The following DKK4 variants were observed in gnomAD, a reference collection of about 807,000 sequenced individuals.
The protein encoded by DKK4 is dickkopf Wnt signaling pathway inhibitor 4, also known as dickkopf-related protein 4.
Under a neutral mutation model 14.5 loss-of-function variants are expected in DKK4, and 15 were observed. The ratio of observed to expected loss-of-function variants is 1.03; its 90% CI spans 0.69 to 1.59. DKK4 has a LOEUF of 1.59. Among genes scored for constraint, DKK4 ranks in the 40% most tolerant of loss-of-function variants. DKK4 has a pLI of 0.00. For synonymous variants in DKK4, 89 were observed against 105.2 expected, an observed-to-expected ratio of 0.85 and a Z score of 0.94; for missense variants, 272 against 280.3, an observed-to-expected ratio of 0.97 and a Z score of 0.21.
chr8:42,383,596 T>G, the DKK4 span, among the ~76,000 whole-genome samples: 524 of 152,326 alleles, frequency 3.4e-3, 4 homozygotes, highest in African/African-American at 0.012. Context: ...AGCACCAGGG[T>G]CCCTGGACCC....
chr8:42,386,989 C>T, the DKK4 span, among the ~76,000 whole-genome samples: 2 of 152,182 alleles, frequency 1.3e-5, no homozygotes, highest in East Asian at 1.9e-4. Flanking sequence ...CTTGGCTCAG[C>T]GGGTGACCTG....
chr8:42,381,023 T>C (rs1000310780), upstream of DKK4, among the ~76,000 whole-genome samples: 6 of 152,138 alleles, frequency 3.9e-5, no homozygotes, highest in African/African-American at 1.2e-4. Context: ...GGTGGCAGTA[T>C]GGTGCTTAGG....
At chr8:42,374,429 A>T in intron 3 of DKK4, 70 bp from the exon 4 acceptor site, 2 of 1,588,774 alleles carry the variant, frequency 1.3e-6, no homozygotes, top group Non-Finnish European at 1.7e-6. Flanking sequence ...TGCTACTGGG[A>T]TAAGGGAATG....
chr8:42,377,152 G>C lies in DKK4; in HGVS notation c.-107C>G, dbSNP rs796940009. The C allele has an allele frequency of 4.8e-6, 4 of 834,622 alleles. No individual in the cohort carries two copies. The highest frequency in any genetic ancestry group is 7.5e-6 in the Non-Finnish European group (4 of 532,348). 51.7% of individuals were successfully genotyped at this position (834,622 alleles called of 1,614,324 possible). A position where few individuals can be genotyped will look rare whatever the true frequency, so the allele number is the denominator to read the frequency against. On this transcript the variant is annotated 5_prime_UTR_variant, in exon 1 of 4. Transcript: ENST00000220812. ...CACTAAGCTGGCAGCTCAGCACGTC[G>C]TCTGTTTGTCACTGCTTTTTCTGAA...
At chr8:42,380,588 G>A (rs565791419), upstream of DKK4, among the ~76,000 whole-genome samples, 1 of 149,292 alleles carries the variant, frequency 6.7e-6, no homozygotes, top group African/African-American at 2.5e-5. Context: ...CGAAAGGAAG[G>A]AAGGAGAGAG....
the DKK4 span, among the ~76,000 whole-genome samples, chr8:42,389,759 A>T: frequency 6.6e-6 from 1 of 152,148 alleles, no homozygotes; most frequent in East Asian, 1.9e-4. Context: ...ACATTTTATC[A>T]TATTTGCTTT....
In DKK4 at chr8:42,375,891, A is replaced by C. The variant is rs1173283680; in HGVS notation, c.112-61T>G. 10 of 1,585,192 alleles carry C rather than the reference A, an allele frequency of 6.3e-6. No individual in the cohort carries two copies. The East Asian group carries it at 1.6e-4, about 25-fold the overall frequency. On this transcript the variant is annotated intron_variant, in intron 1 of 3. Coordinates refer to ENST00000220812, the MANE Select transcript of DKK4 (RefSeq NM_014420.3). Reference sequence around the variant, plus strand: ...CCCCCAACACGATGGAAGATGACTTATTATTGAAGGCAGGAGGCGGAGGGA... The same window carrying C: ...CCCCCAACACGATGGAAGATGACTTCTTATTGAAGGCAGGAGGCGGAGGGA...
At chr8:42,376,360 C>T (rs1299373480) in intron 1 of DKK4, among the ~76,000 whole-genome samples, 1 of 152,138 alleles carries the variant, frequency 6.6e-6, no homozygotes, top group Non-Finnish European at 1.5e-5. Context: ...GATGCTTCTA[C>T]ATAGACATAC....
At chr8:42,390,804 ATC>A in the DKK4 span, among the ~76,000 whole-genome samples, 1 of 152,152 alleles carries the variant, frequency 6.6e-6, no homozygotes, top group South Asian at 2.1e-4. Flanking sequence ...CAAGAATATT[ATC>A]TCTGTGTCCC....
chr8:42,376,724 C>T (rs965623932), intron 1 of DKK4, among the ~76,000 whole-genome samples: 1 of 152,184 alleles, frequency 6.6e-6, no homozygotes, highest in Non-Finnish European at 1.5e-5. Flanking sequence ...AAACGTATGG[C>T]CGAATGATGT....
upstream of DKK4, among the ~76,000 whole-genome samples, chr8:42,378,298 T>C (rs1007373218): frequency 3.9e-5 from 6 of 152,244 alleles, no homozygotes; most frequent in African/African-American, 1.4e-4. Flanking sequence ...TATTATTTAC[T>C]ACATTTTCCT....
chr8:42,390,495 C>G, the DKK4 span, among the ~76,000 whole-genome samples: 2,766 of 150,620 alleles, frequency 0.018, 41 homozygotes, highest in Middle Eastern at 0.031. Flanking sequence ...TCCCGAGTAG[C>G]TGGGACTACA....
chr8:42,374,423 A>G, intron 3 of DKK4, 64 bp from the exon 4 acceptor site: 1 of 1,598,874 alleles, frequency 6.3e-7, no homozygotes, highest in Non-Finnish European at 8.5e-7. Context: ...GGGGTTTGCT[A>G]CTGGGATAAG....
the DKK4 span, among the ~76,000 whole-genome samples, chr8:42,388,916 G>C: frequency 3.9e-5 from 6 of 152,212 alleles, no homozygotes; most frequent in African/African-American, 1.2e-4. Context: ...TTTTCTATAA[G>C]CCAGGTAAAT....
chr8:42,378,943 CAAAAAAAAA>C (rs1166439885), upstream of DKK4, among the ~76,000 whole-genome samples: 1 of 49,460 alleles, frequency 2.0e-5, no homozygotes, highest in African/African-American at 6.3e-5. Context: ...CCTGTCTCCA[CAAAAAAAAA>C]AAAAAAAAAA....
chr8:42,379,780 T>C (rs1204170338), upstream of DKK4, among the ~76,000 whole-genome samples: 2 of 151,892 alleles, frequency 1.3e-5, no homozygotes, highest in Non-Finnish European at 2.9e-5. Flanking sequence ...CAGGTGCTAG[T>C]GAGAGATTGT....
chr8:42,388,261 A>G, the DKK4 span, among the ~76,000 whole-genome samples: 1 of 151,852 alleles, frequency 6.6e-6, no homozygotes, highest in African/African-American at 2.4e-5. Flanking sequence ...AGGGAGTTTC[A>G]CTCTGTCGCC....
At chr8:42,377,379 A>T (rs575369391), upstream of DKK4, 1 of 248,762 alleles carries the variant, frequency 4.0e-6, no homozygotes, top group African/African-American at 2.2e-5. Context: ...AGGAGAGAAG[A>T]GGCAGGGCCA....
the DKK4 span, among the ~76,000 whole-genome samples, chr8:42,387,002 C>G: frequency 6.6e-6 from 1 of 152,180 alleles, no homozygotes; most frequent in African/African-American, 2.4e-5. Flanking sequence ...GTGACCTGGG[C>G]TGGGAGCCTG....
Sources: gnomAD v4.1 joint callset for allele counts (sites outside exome capture counted in the v4.1 genomes callset) on GRCh38, gnomAD v4.1.1 for gene constraint, MANE v1.5 for transcripts, NCBI Gene and HGNC (gene_info 2026-07-23, HGNC 2026-07-21) for gene names.